Variants in VTI1A observed in about 807,000 individuals in gnomAD.
VTI1A encodes vesicle transport through interaction with t-SNAREs 1A.
In VTI1A, 22 loss-of-function variants were observed where a neutral mutation model predicts 34.9. That is an observed-to-expected ratio of 0.63 (90% CI 0.45 to 0.90). The LOEUF is 0.90. Ranked by LOEUF, VTI1A falls within the 40% of genes least tolerant of loss-of-function variation. The pLI, the probability that VTI1A is intolerant of heterozygous loss-of-function variation, is 0.00. For synonymous variants in VTI1A, 87 were observed against 97.3 expected (o/e 0.89, Z 0.62); for missense variants, 268 against 275.6 (o/e 0.97, Z 0.20).
At chr10:112,716,501 T>C (rs1849619123) in intron 7 of VTI1A, among the ~76,000 whole-genome samples, 1 of 152,142 alleles carries the variant, frequency 6.6e-6, no homozygotes, top group Non-Finnish European at 1.5e-5. Flanking sequence ...TTAGCTAAGT[T>C]GGGGTTCCTG....
intron 7 of VTI1A, among the ~76,000 whole-genome samples, chr10:112,795,371 A>G (rs998658606): frequency 2.6e-5 from 4 of 152,158 alleles, no homozygotes; most frequent in African/African-American, 9.7e-5. Context: ...AAGTCACTAA[A>G]AAAAATTTTT....
intron 7 of VTI1A, among the ~76,000 whole-genome samples, chr10:112,797,637 G>A (rs1455452406): frequency 6.6e-6 from 1 of 152,164 alleles, no homozygotes; most frequent in African/African-American, 2.4e-5. Context: ...AGAATTTTTG[G>A]GGATAGGAGG....
At chr10:112,836,122 C>A in the VTI1A span, among the ~76,000 whole-genome samples, 2 of 152,208 alleles carry the variant, frequency 1.3e-5, no homozygotes, top group Non-Finnish European at 2.9e-5. Flanking sequence ...TGTCCTCTTC[C>A]CGGGTGAGGT....
intron 7 of VTI1A, among the ~76,000 whole-genome samples, chr10:112,808,924 A>C (rs1029928476): frequency 6.6e-6 from 1 of 152,168 alleles, no homozygotes; most frequent in Non-Finnish European, 1.5e-5. Context: ...CAGTAAAGAC[A>C]GTATCTTTTT....
intron 5 of VTI1A, among the ~76,000 whole-genome samples, chr10:112,639,199 T>C (rs1422487883): frequency 6.6e-6 from 1 of 152,154 alleles, no homozygotes; most frequent in Non-Finnish European, 1.5e-5. Flanking sequence ...AGTAAGAGGA[T>C]TTTACAAACA....
At chr10:112,705,164 A>G (rs1416791229) in intron 7 of VTI1A, among the ~76,000 whole-genome samples, 1 of 151,942 alleles carries the variant, frequency 6.6e-6, no homozygotes, top group African/African-American at 2.4e-5. Context: ...CAGACTCCCA[A>G]AGTACCTGAT....
chr10:112,770,067 T>C (rs527950165), intron 7 of VTI1A, among the ~76,000 whole-genome samples: 1 of 151,632 alleles, frequency 6.6e-6, no homozygotes, highest in African/African-American at 2.4e-5. Context: ...TTTTTTTTTT[T>C]AATTTCAAAC....
At chr10:112,511,643 A>C (rs1849613402) in intron 3 of VTI1A, among the ~76,000 whole-genome samples, 2 of 152,116 alleles carry the variant, frequency 1.3e-5, no homozygotes, top group Non-Finnish European at 2.9e-5. Context: ...CTCTGCTGTC[A>C]GATGTTGAAT....
At chr10:112,573,093 G>T (rs1283498855) in intron 5 of VTI1A, among the ~76,000 whole-genome samples, 1 of 152,008 alleles carries the variant, frequency 6.6e-6, no homozygotes, top group Non-Finnish European at 1.5e-5. Context: ...ATGGGTTGAG[G>T]TTTATACTCA....
chr10:112,784,269 C>A (rs1008347097), intron 7 of VTI1A, among the ~76,000 whole-genome samples: 1 of 152,280 alleles, frequency 6.6e-6, no homozygotes, highest in East Asian at 1.9e-4. Context: ...ACTAGTTTTA[C>A]TTTGGAGCCA....
chr10:112,476,161 G>A (rs896364104), intron 3 of VTI1A, among the ~76,000 whole-genome samples: 6 of 152,136 alleles, frequency 3.9e-5, no homozygotes, highest in Admixed American at 6.5e-5. Flanking sequence ...AATTGCCATC[G>A]TCAAAAAGCC....
intron 7 of VTI1A, among the ~76,000 whole-genome samples, chr10:112,759,842 A>G (rs1190524125): frequency 6.6e-6 from 1 of 151,674 alleles, no homozygotes; most frequent in African/African-American, 2.4e-5. Flanking sequence ...ATCAGAAGAC[A>G]TAGGGTATAT....
chr10:112,759,233 A>C (rs1362532483), intron 7 of VTI1A, among the ~76,000 whole-genome samples: 3 of 152,210 alleles, frequency 2.0e-5, no homozygotes, highest in Non-Finnish European at 4.4e-5. Flanking sequence ...AGGACCCTTC[A>C]CCAGAGGAAG....
chr10:112,470,659 T>C (rs1848043946), intron 3 of VTI1A, among the ~76,000 whole-genome samples: 2 of 152,002 alleles, frequency 1.3e-5, no homozygotes, highest in Non-Finnish European at 2.9e-5. Context: ...GGCGGATCAC[T>C]TGAAGTCAGG....
chr10:112,770,869 C>T (rs1851795192), intron 7 of VTI1A, among the ~76,000 whole-genome samples: 1 of 152,076 alleles, frequency 6.6e-6, no homozygotes, highest in Non-Finnish European at 1.5e-5. Context: ...TTCAGCATGT[C>T]AGCTGCAGGG....
intron 5 of VTI1A, among the ~76,000 whole-genome samples, chr10:112,639,369 A>G (rs1293915092): frequency 6.6e-6 from 1 of 152,224 alleles, no homozygotes; most frequent in Admixed American, 6.5e-5. Flanking sequence ...TTGATGAATC[A>G]CATAGACAAT....
intron 5 of VTI1A, among the ~76,000 whole-genome samples, chr10:112,654,505 TA>T (rs1590031083): frequency 6.6e-6 from 1 of 152,128 alleles, no homozygotes; most frequent in East Asian, 1.9e-4. Context: ...TTTATTTATT[TA>T]TTTTTTGAGA....
At chr10:112,548,498 C>T (rs1482768823) in intron 5 of VTI1A, 1 of 553,496 alleles carries the variant, frequency 1.8e-6, no homozygotes. Context: ...TGTTATGATT[C>T]ATTAACCAGT....
intron 5 of VTI1A, among the ~76,000 whole-genome samples, chr10:112,547,914 T>A (rs1851197010): frequency 6.6e-6 from 1 of 152,216 alleles, no homozygotes; most frequent in African/African-American, 2.4e-5. Context: ...CAATCAACAG[T>A]AGTATAAGCT....
Sources: gnomAD v4.1 joint callset for allele counts (sites outside exome capture counted in the v4.1 genomes callset) on GRCh38, gnomAD v4.1.1 for gene constraint, MANE v1.5 for transcripts, NCBI Gene and HGNC (gene_info 2026-07-23, HGNC 2026-07-21) for gene names.